Variants in TRIM55 observed in about 807,000 individuals in gnomAD.
The protein encoded by TRIM55 is tripartite motif-containing protein 55.
A neutral mutation model predicts 60.9 loss-of-function variants in TRIM55; 50 were observed. That is an observed-to-expected ratio of 0.82 (90% CI 0.65 to 1.04). The LOEUF (loss-of-function observed/expected upper bound fraction) is 1.04, where lower values mean the gene tolerates loss of function less well. Ranked by LOEUF, TRIM55 falls within the 50% of genes least tolerant of loss-of-function variation. The pLI, the probability that TRIM55 is intolerant of heterozygous loss-of-function variation, is 0.00. For synonymous variants in TRIM55, 237 were observed against 238.1 expected, an observed-to-expected ratio of 1.00 and a Z score of 0.04; for missense variants, 681 against 666.9, an observed-to-expected ratio of 1.02 and a Z score of -0.23.
chr8:66,145,122 C>T (rs1810032090), intron 4 of TRIM55, among the ~76,000 whole-genome samples: 1 of 152,118 alleles, frequency 6.6e-6, no homozygotes, highest in African/African-American at 2.4e-5. Flanking sequence ...TTTCACAGCA[C>T]TTTGATGGTC....
intron 9 of TRIM55, among the ~76,000 whole-genome samples, chr8:66,160,186 T>C (rs890246795): frequency 3.9e-5 from 6 of 152,166 alleles, no homozygotes; most frequent in African/African-American, 1.4e-4. Flanking sequence ...CCATGTATTA[T>C]TCTTATGCCT....
chr8:66,113,427 C>A, the TRIM55 span: 2 of 444,036 alleles, frequency 4.5e-6, no homozygotes, highest in South Asian at 1.6e-5. Flanking sequence ...AGGAGACATC[C>A]TTAGGTCGCT....
In TRIM55 at chr8:66,172,726, G is replaced by C. The variant is rs568783295; in HGVS notation, c.1525-1745G>C. On this transcript the variant is annotated intron_variant, in intron 9 of 9. Transcript: ENST00000315962. ...GCAGAAAACACATTACCCAACTTGT[G>C]TCACCCTTCAACTATGTCAGAACAG... Among the ~76,000 whole-genome samples the C allele has an allele frequency of 3.9e-5, 6 of 152,320 alleles. No homozygotes were observed. The East Asian group carries it at 1.2e-3, about 29-fold the overall frequency.
chr8:66,165,638 A>G (rs1461087684), intron 9 of TRIM55, among the ~76,000 whole-genome samples: 1 of 152,254 alleles, frequency 6.6e-6, no homozygotes, highest in Non-Finnish European at 1.5e-5. Flanking sequence ...TTTACAAATT[A>G]GGAGATTCAA....
At chr8:66,150,290 G>A in intron 6 of TRIM55, 51 bp downstream of exon 6, 1 of 1,613,890 alleles carries the variant, frequency 6.2e-7, no homozygotes, top group Non-Finnish European at 8.5e-7. Context: ...CTTTACCCAA[G>A]GCTATCCAAT....
chr8:66,128,208 G>A, intron 1 of TRIM55, 96 bp from the exon 2 acceptor site: 1 of 1,202,050 alleles, frequency 8.3e-7, no homozygotes, highest in Non-Finnish European at 1.2e-6. Flanking sequence ...TAAAGTAGAA[G>A]TTCATGTTGT....
intron 4 of TRIM55, among the ~76,000 whole-genome samples, chr8:66,139,879 A>G (rs1340029558): frequency 6.6e-6 from 1 of 152,218 alleles, no homozygotes; most frequent in African/African-American, 2.4e-5. Context: ...AACAGTACAG[A>G]AAGTACAGTC....
Position 66,154,182 on chromosome 8 carries a change from C to T in TRIM55, c.1372C>T (p.Pro458Ser), listed in dbSNP as rs369216022. ...GQTRKATTNP[P>S]CTPGSEGLGQ... ...AACCCGGAAAGCCACCACCAACCCA[C>T]CTTGCACCCCAGGGAGCGAAGGTCT... The change falls in exon 9 of 10, where the codon CCT becomes TCT. Residue 458 changes from proline (P) to serine (S), a missense_variant. Coordinates refer to ENST00000315962, the MANE Select transcript of TRIM55 (RefSeq NM_184085.2). The T allele has an allele frequency of 6.2e-7, 1 of 1,614,150 alleles. No individual in the cohort carries two copies. Among genetic ancestry groups the T allele is most frequent in the Non-Finnish European group, 8.5e-7 (1 of 1,180,034 alleles).
the TRIM55 span, among the ~76,000 whole-genome samples, chr8:66,113,853 G>T: frequency 6.6e-6 from 1 of 152,182 alleles, no homozygotes. Flanking sequence ...GGAGGTGGGG[G>T]GTCCGCGGGA....
chr8:66,143,276 A>G (rs1809923503), intron 4 of TRIM55, among the ~76,000 whole-genome samples: 1 of 152,184 alleles, frequency 6.6e-6, no homozygotes, highest in Non-Finnish European at 1.5e-5. Flanking sequence ...TATTGTGGCC[A>G]TGGCACGTGT....
At position 66,154,120 on chromosome 8, in the gene TRIM55, C is replaced by A; in HGVS notation, c.1310C>A (p.Ala437Glu). 1 of 1,613,996 alleles carries A rather than the reference C, an allele frequency of 6.2e-7. No individual in the cohort carries two copies. Among genetic ancestry groups the A allele is most frequent in the East Asian group, 2.2e-5 (1 of 44,870 alleles). Residue 437 changes from alanine (A) to glutamate (E), a missense_variant, in exon 9 of 10, where the codon GCG becomes GAG. Physicochemically the swap from Ala to Glu is moderately radical, Grantham distance 107. Coordinates refer to ENST00000315962, the MANE Select transcript of TRIM55 (RefSeq NM_184085.2). ...ETPVPAAAET[A>E]DPLFYPSWYK... ...CCAGTCCCTGCAGCAGCAGAAACTG[C>A]GGATCCCTTGTTTTACCCTAGTTGG...
In TRIM55 at chr8:66,127,511, T is replaced by C. The variant is rs1344165561; in HGVS notation, c.168+75T>C. ...TCCTCTTGGAATCAAGTGCTTAACATTGAGGTGAAATCCTTTAAAAAACTT... is the reference window on the plus strand; with the variant it reads ...TCCTCTTGGAATCAAGTGCTTAACACTGAGGTGAAATCCTTTAAAAAACTT... On this transcript the variant is annotated intron_variant, in intron 1 of 9. Transcript: ENST00000315962. 29 of 1,544,558 alleles carry C rather than the reference T, an allele frequency of 1.9e-5. No individual in the cohort carries two copies. The East Asian group carries it at 5.4e-4, about 29-fold the overall frequency.
chr8:66,163,587 C>T (rs1811163198), intron 9 of TRIM55, among the ~76,000 whole-genome samples: 1 of 152,152 alleles, frequency 6.6e-6, no homozygotes, highest in African/African-American at 2.4e-5. Context: ...TTTCAGATAT[C>T]TTTCTTTTTG....
chr8:66,168,353 C>T (rs937505325), intron 9 of TRIM55, among the ~76,000 whole-genome samples: 1 of 152,236 alleles, frequency 6.6e-6, no homozygotes, highest in Non-Finnish European at 1.5e-5. Context: ...AGTTAGGAAT[C>T]TGTAACACCT....
intron 9 of TRIM55, among the ~76,000 whole-genome samples, chr8:66,157,595 C>CT (rs1810815904): frequency 6.6e-6 from 1 of 152,190 alleles, no homozygotes; most frequent in Non-Finnish European, 1.5e-5. Context: ...TCTCTCTTTA[C>CT]TAGGTGGTCC....
intron 8 of TRIM55, 122 bp downstream of exon 8, chr8:66,152,749 G>C: frequency 1.5e-6 from 2 of 1,319,150 alleles, no homozygotes; most frequent in Non-Finnish European, 2.0e-6. Flanking sequence ...ATTCGTATAT[G>C]GTAGACGAAA....
At chr8:66,126,814 C>G (rs996738592), upstream of TRIM55, 1 of 154,454 alleles carries the variant, frequency 6.5e-6, no homozygotes, top group Non-Finnish European at 1.4e-5. Context: ...TGCGTTCTGC[C>G]CCTTCCTGGA....
At chr8:66,141,778 A>G (rs1480366839) in intron 4 of TRIM55, among the ~76,000 whole-genome samples, 1 of 152,240 alleles carries the variant, frequency 6.6e-6, no homozygotes, top group Admixed American at 6.5e-5. Flanking sequence ...CTGAAAAAGG[A>G]CAACTTGAAT....
chr8:66,167,245 T>C (rs1003988980), intron 9 of TRIM55, among the ~76,000 whole-genome samples: 1 of 152,184 alleles, frequency 6.6e-6, no homozygotes, highest in Non-Finnish European at 1.5e-5. Flanking sequence ...CTATAACTGA[T>C]AGTAATACTA....
Sources: allele counts gnomAD v4.1 joint callset (sites outside exome capture counted in the v4.1 genomes callset), GRCh38; gene constraint gnomAD v4.1.1; transcripts MANE v1.5; gene names NCBI Gene and HGNC (gene_info 2026-07-23, HGNC 2026-07-21).